CCZ1: variants seen among roughly 807,000 people sequenced by gnomAD.
CCZ1 encodes the protein vacuolar fusion protein CCZ1 homolog.
A neutral mutation model predicts 57.8 loss-of-function variants in CCZ1; 19 were observed. The observed-to-expected ratio is 0.33, with a 90% confidence interval of 0.23 to 0.48. The LOEUF (loss-of-function observed/expected upper bound fraction) is 0.48, where lower values mean the gene tolerates loss of function less well. CCZ1 is among the 20% of genes least tolerant of loss of function. The pLI is 0.99. For missense variants in CCZ1, 200 were observed against 492.0 expected, an observed-to-expected ratio of 0.41 and a Z score of 5.61; for synonymous variants, 81 against 167.0, an observed-to-expected ratio of 0.49 and a Z score of 3.97.
At chr7:5,910,698 G>GTATTT (rs756924691) in intron 8 of CCZ1, among the ~76,000 whole-genome samples, 12,848 of 119,044 alleles carry the variant, frequency 0.11, 971 homozygotes, top group Non-Finnish European at 0.12. Context: ...TTTAATTTAT[G>GTATTT]TATTTTATTT....
intron 7 of CCZ1, among the ~76,000 whole-genome samples, chr7:5,905,923 T>TTTTTTTTTG (rs1562539580): frequency 7.1e-6 from 1 of 141,310 alleles, no homozygotes; most frequent in African/African-American, 2.6e-5. Context: ...TTTTTCTTTC[T>TTTTTTTTTG]TATAGAGACG....
chr7:5,901,716 G>T lies in CCZ1; in HGVS notation c.438+12G>T. On this transcript the variant is annotated intron_variant, in intron 5 of 14. Transcript: ENST00000325974. Reference sequence around the variant, plus strand: ...ACAGCATGTACAAGGTAAGCGTGGCGTTCTTTCTCAACTCAGAGTCCAGCC... The same window carrying T: ...ACAGCATGTACAAGGTAAGCGTGGCTTTCTTTCTCAACTCAGAGTCCAGCC... The T allele has an allele frequency of 1.9e-6, 3 of 1,598,144 alleles. No individual in the cohort carries two copies. The highest frequency in any genetic ancestry group is 2.6e-6 in the Non-Finnish European group (3 of 1,176,432).
chr7:5,926,068 TG>T lies in CCZ1; in HGVS notation c.*382del. 2 of 348,988 alleles carry T rather than the reference TG, an allele frequency of 5.7e-6. No individual in the cohort carries two copies. The highest frequency in any genetic ancestry group is 1.1e-5 in the Non-Finnish European group (2 of 181,474). 21.6% of individuals were successfully genotyped at this position (348,988 alleles called of 1,614,324 possible). A position where few individuals can be genotyped will look rare whatever the true frequency, so the allele number is the denominator to read the frequency against. On this transcript the variant is annotated 3_prime_UTR_variant, in exon 15 of 15. Transcript: ENST00000325974. ...CCCAGGCTGGAATGCAATGGCTCAC[TG>T]CAGCCTCAACCTCCTGAGCTCAAGC...
chr7:5,902,816 A>G (rs921943085), intron 6 of CCZ1, 72 bp downstream of exon 6: 110 of 1,535,184 alleles, frequency 7.2e-5, no homozygotes, highest in Non-Finnish European at 8.9e-5. Flanking sequence ...TAGACAGACA[A>G]GTTTGTTTCT....
At chr7:5,904,541 A>AG in intron 6 of CCZ1, among the ~76,000 whole-genome samples, 1 of 147,232 alleles carries the variant, frequency 6.8e-6, no homozygotes, top group East Asian at 2.3e-4. Flanking sequence ...AAAAAAAAAA[A>AG]AAAATTTTTG....
intron 12 of CCZ1, among the ~76,000 whole-genome samples, chr7:5,921,142 A>G (rs1779234737): frequency 8.2e-6 from 1 of 122,126 alleles, no homozygotes; most frequent in South Asian, 2.4e-4. Flanking sequence ...TGTTGGTCAG[A>G]CTGGTCTCGA....
chr7:5,914,604 G>A (rs1030200823), intron 10 of CCZ1, among the ~76,000 whole-genome samples: 2 of 149,148 alleles, frequency 1.3e-5, no homozygotes, highest in African/African-American at 5.0e-5. Context: ...GCCAGGGCAT[G>A]GTGGCTCATG....
chr7:5,913,944 A>T (rs1262668999), intron 10 of CCZ1, among the ~76,000 whole-genome samples: 3 of 132,802 alleles, frequency 2.3e-5, no homozygotes, highest in Non-Finnish European at 5.0e-5. Context: ...GGCCCTGCTC[A>T]TTCTGGCATT....
chr7:5,899,021 T>A (rs2128609688), intron 1 of CCZ1, 102 bp downstream of exon 1: 1 of 216,294 alleles, frequency 4.6e-6, no homozygotes, highest in African/African-American at 5.1e-5. Flanking sequence ...TAGCCTGCAT[T>A]GTGCCAGGTG....
At chr7:5,902,240 G>C (rs1374079594) in intron 5 of CCZ1, 2 of 190,440 alleles carry the variant, frequency 1.1e-5, no homozygotes, top group Non-Finnish European at 2.1e-5. Flanking sequence ...CGAGGCTGCA[G>C]TGAACTGTGA....
chr7:5,900,714 C>T (rs1177647210), intron 3 of CCZ1, 141 bp from the exon 4 acceptor site: 10 of 1,486,636 alleles, frequency 6.7e-6, no homozygotes, highest in Non-Finnish European at 1.8e-6. Context: ...CAAGTTCTTC[C>T]TATTTGCTTT....
Position 5,906,680 on chromosome 7 carries a change from G to C in CCZ1, c.698+1411G>C, listed in dbSNP as rs114046289. On this transcript the variant is annotated intron_variant, in intron 7 of 14. Coordinates refer to ENST00000325974, the MANE Select transcript of CCZ1 (RefSeq NM_015622.6). ...ATGGTACTACTATAAGGTAAATTCA[G>C]CTAATAGAAAAGGCAAAACTAGTTC... Among the ~76,000 whole-genome samples the C allele has an allele frequency of 5.5e-3, 817 of 149,276 alleles. 16 individuals are homozygous for C. Among genetic ancestry groups the C allele is most frequent in the African/African-American group, 0.019 (778 of 40,312 alleles).
chr7:5,909,504 C>T (rs1224239298), intron 7 of CCZ1, among the ~76,000 whole-genome samples: 6 of 148,072 alleles, frequency 4.1e-5, no homozygotes, highest in African/African-American at 1.5e-4. Context: ...CAGTTCGAAA[C>T]CAGCCTGGCA....
rs368018105 is a variant in CCZ1, at chr7:5,907,352, A to G, written c.698+2083A>G. Among the ~76,000 whole-genome samples, 39 of 149,564 alleles carry G rather than the reference A, an allele frequency of 2.6e-4. 2 individuals are homozygous for G. Among genetic ancestry groups the G allele is most frequent in the African/African-American group, 8.7e-4 (35 of 40,458 alleles). The stretch of plus-strand genomic sequence containing the variant: ...AGGGATGGCTCCTCCACAGATGGAA[A>G]TGACAGGACGTGCTTGCAAGTCACA... On this transcript the variant is annotated intron_variant, in intron 7 of 14. Coordinates refer to ENST00000325974, the MANE Select transcript of CCZ1 (RefSeq NM_015622.6).
In CCZ1 at chr7:5,905,192, G is replaced by A. The variant is rs1781775127; in HGVS notation, c.621G>A (p.Gln207=). 1 of 1,568,530 alleles carries A rather than the reference G, an allele frequency of 6.4e-7. No homozygotes were observed. Among genetic ancestry groups the A allele is most frequent in the Non-Finnish European group, 8.6e-7 (1 of 1,156,132 alleles). The change falls in exon 7 of 15, where the codon CAG becomes CAA. Residue 207 remains glutamine (Q), a synonymous_variant. Coordinates refer to ENST00000325974, the MANE Select transcript of CCZ1 (RefSeq NM_015622.6). The part of the protein sequence containing the change: ...PLDKMTYLKI[Q]SFINRMEESL... ...ATAAAATGACTTATTTGAAAATCCA[G>A]TCCTTTATTAATAGAATGGAGGAAA...
intron 8 of CCZ1, 86 bp downstream of exon 8, chr7:5,910,202 T>G (rs2128612442): frequency 2.9e-6 from 3 of 1,049,572 alleles, no homozygotes; most frequent in East Asian, 4.9e-5. Flanking sequence ...ATGGGGGCGT[T>G]TCTGATCGTT....
chr7:5,906,993 G>C (rs1348570719), intron 7 of CCZ1, among the ~76,000 whole-genome samples: 1 of 146,740 alleles, frequency 6.8e-6, no homozygotes, highest in African/African-American at 2.5e-5. Flanking sequence ...TCAGCCTCCC[G>C]AGTAGCTGGG....
chr7:5,912,630 C>T (rs1779062667), intron 9 of CCZ1, among the ~76,000 whole-genome samples: 1 of 150,298 alleles, frequency 6.7e-6, no homozygotes, highest in Admixed American at 6.6e-5. Flanking sequence ...GAACTCCTGA[C>T]TTCAGGTGAT....
intron 12 of CCZ1, among the ~76,000 whole-genome samples, chr7:5,920,942 G>GT (rs1779229663): frequency 1.0e-5 from 1 of 95,552 alleles, no homozygotes; most frequent in African/African-American, 4.8e-5. Context: ...TTCATACGTT[G>GT]TTTTTTGGGT....
Sources: gnomAD v4.1 joint callset for allele counts (sites outside exome capture counted in the v4.1 genomes callset) on GRCh38, gnomAD v4.1.1 for gene constraint, MANE v1.5 for transcripts, NCBI Gene and HGNC (gene_info 2026-07-23, HGNC 2026-07-21) for gene names.